MAGI1: variants seen among roughly 807,000 people sequenced by gnomAD.
MAGI1 encodes membrane-associated guanylate kinase, WW and PDZ domain-containing protein 1.
A neutral mutation model predicts 139.9 loss-of-function variants in MAGI1; 58 were observed. That is an observed-to-expected ratio of 0.41 (90% CI 0.34 to 0.52). The LOEUF (loss-of-function observed/expected upper bound fraction) is 0.52, where lower values mean the gene tolerates loss of function less well. MAGI1 is among the 20% of genes least tolerant of loss of function. MAGI1 has a pLI of 0.12. For missense variants in MAGI1, 1,874 were observed against 1,901.6 expected (o/e 0.99, Z 0.27); for synonymous variants, 812 against 737.9 (o/e 1.10, Z -1.63).
chr3:65,544,220 T>G (rs1461655983), intron 2 of MAGI1, among the ~76,000 whole-genome samples: 2 of 152,174 alleles, frequency 1.3e-5, no homozygotes, highest in African/African-American at 4.8e-5. Context: ...AAATGCTGTA[T>G]TTTACCATAA....
At chr3:66,017,579 A>T (rs535534489) in intron 1 of MAGI1, among the ~76,000 whole-genome samples, 1 of 152,326 alleles carries the variant, frequency 6.6e-6, no homozygotes, top group South Asian at 2.1e-4. Context: ...ACCTAATCTC[A>T]GACAAGTAAC....
intron 1 of MAGI1, among the ~76,000 whole-genome samples, chr3:65,941,354 A>G (rs1348220849): frequency 8.5e-5 from 13 of 152,118 alleles, no homozygotes; most frequent in Admixed American, 8.5e-4. Context: ...CTCAAAAAAA[A>G]AAAAAGAATT....
chr3:65,939,298 C>T (rs1469333802), intron 1 of MAGI1, among the ~76,000 whole-genome samples: 1 of 152,088 alleles, frequency 6.6e-6, no homozygotes, highest in Non-Finnish European at 1.5e-5. Flanking sequence ...ACTCATACAG[C>T]CAAATGTTTA....
intron 1 of MAGI1, among the ~76,000 whole-genome samples, chr3:65,914,372 A>G (rs1186796035): frequency 6.6e-6 from 1 of 152,226 alleles, no homozygotes; most frequent in Admixed American, 6.5e-5. Flanking sequence ...AACACATTCA[A>G]ACTGGGGTAC....
intron 2 of MAGI1, among the ~76,000 whole-genome samples, chr3:65,613,640 A>G (rs1000052075): frequency 3.9e-5 from 6 of 152,220 alleles, no homozygotes; most frequent in East Asian, 1.9e-4. Context: ...TTAACAACGT[A>G]TAATAAGAAA....
At chr3:65,361,448 A>T in intron 21 of MAGI1, 111 bp from the exon 22 acceptor site, 1 of 984,424 alleles carries the variant, frequency 1.0e-6, no homozygotes, top group Non-Finnish European at 1.5e-6. Flanking sequence ...GCAGTGACAA[A>T]AACAAACAGA....
At chr3:65,374,042 T>C (rs1296939342) in intron 18 of MAGI1, among the ~76,000 whole-genome samples, 1 of 152,230 alleles carries the variant, frequency 6.6e-6, no homozygotes, top group Admixed American at 6.5e-5. Context: ...TAAATAACTT[T>C]CAGATGAAAC....
intron 5 of MAGI1, among the ~76,000 whole-genome samples, chr3:65,454,551 AT>A (rs1949259765): frequency 6.8e-6 from 1 of 146,044 alleles, no homozygotes; most frequent in East Asian, 2.0e-4. Context: ...AATAATAATA[AT>A]AATAAAAAAA....
At chr3:65,570,513 A>G (rs565908075) in intron 2 of MAGI1, among the ~76,000 whole-genome samples, 1 of 152,334 alleles carries the variant, frequency 6.6e-6, no homozygotes, top group South Asian at 2.1e-4. Context: ...ACTAAAGTAT[A>G]AAGAATGTCA....
At chr3:65,824,660 A>G (rs2042129504) in intron 1 of MAGI1, among the ~76,000 whole-genome samples, 1 of 152,240 alleles carries the variant, frequency 6.6e-6, no homozygotes, top group Admixed American at 6.5e-5. Flanking sequence ...GAGACACAGT[A>G]GCCCTCCATT....
chr3:65,509,699 A>T (rs2107742988), intron 2 of MAGI1, among the ~76,000 whole-genome samples: 1 of 152,228 alleles, frequency 6.6e-6, no homozygotes, highest in African/African-American at 2.4e-5. Flanking sequence ...TCTGAGATCA[A>T]ACTGCAAGGC....
intron 1 of MAGI1, among the ~76,000 whole-genome samples, chr3:65,833,133 TG>T (rs11322695): frequency 0.62 from 93,123 of 150,222 alleles, 29,118 homozygotes; most frequent in East Asian, 0.92. Flanking sequence ...TTTTTTTTTT[TG>T]GGAGACAGAA....
At chr3:65,761,489 C>A (rs1362882836) in intron 1 of MAGI1, among the ~76,000 whole-genome samples, 1 of 152,162 alleles carries the variant, frequency 6.6e-6, no homozygotes, top group Non-Finnish European at 1.5e-5. Flanking sequence ...CAACGTTAAG[C>A]CATTTCCTAC....
chr3:65,647,757 G>A (rs754175616), intron 1 of MAGI1, among the ~76,000 whole-genome samples: 2 of 152,058 alleles, frequency 1.3e-5, no homozygotes, highest in Non-Finnish European at 2.9e-5. Context: ...CATTCTTTAT[G>A]TGAAATTAAA....
chr3:66,029,653 T>C lies in MAGI1; in HGVS notation c.313+8343A>G, dbSNP rs115085373. Among the ~76,000 whole-genome samples, 780 of 152,282 alleles carry C rather than the reference T, an allele frequency of 5.1e-3. 3 individuals are homozygous for C. The highest frequency in any genetic ancestry group is 0.018 in the African/African-American group (753 of 41,560). On this transcript the variant is annotated intron_variant, in intron 1 of 22. Coordinates refer to ENST00000402939, the MANE Select transcript of MAGI1 (RefSeq NM_001033057.2). ...GACTTGCTCTTTAAAGCATCTCCAT[T>C]GGCCTTCTTGACTCACTGGTCTCAC...
intron 10 of MAGI1, among the ~76,000 whole-genome samples, chr3:65,436,750 T>C (rs76569628): frequency 0.011 from 1,747 of 152,142 alleles, 33 homozygotes; most frequent in African/African-American, 0.04. Context: ...CATCTGGCAA[T>C]GTCTGGGGAC....
At chr3:65,914,807 T>A (rs113607171) in intron 1 of MAGI1, among the ~76,000 whole-genome samples, 19 of 152,200 alleles carry the variant, frequency 1.2e-4, no homozygotes. Flanking sequence ...GTTTCAGCAC[T>A]GTACAACAGA....
chr3:65,400,984 G>A (rs994714130), intron 13 of MAGI1, among the ~76,000 whole-genome samples: 60 of 151,766 alleles, frequency 4.0e-4, no homozygotes, highest in African/African-American at 1.3e-3. Context: ...TTCATCCTCC[G>A]GCGCCTAAGA....
chr3:65,460,961 G>A (rs533727200), intron 5 of MAGI1, among the ~76,000 whole-genome samples: 2 of 152,108 alleles, frequency 1.3e-5, no homozygotes, highest in African/African-American at 4.8e-5. Context: ...ATGGGCATTT[G>A]GGTTGGTTCC....
Sources: gnomAD v4.1 joint callset for allele counts (sites outside exome capture counted in the v4.1 genomes callset) on GRCh38, gnomAD v4.1.1 for gene constraint, MANE v1.5 for transcripts, NCBI Gene and HGNC (gene_info 2026-07-23, HGNC 2026-07-21) for gene names.